Variants in SCML2 observed in about 807,000 individuals in gnomAD.
SCML2 encodes the protein Scm polycomb group protein like 2.
SCML2 carries 6 observed loss-of-function variants against 48.4 expected under a neutral mutation model. The observed-to-expected ratio is 0.12, with a 90% CI of 0.07 to 0.24. The LOEUF (loss-of-function observed/expected upper bound fraction) is 0.24, where lower values mean the gene tolerates loss of function less well. Ranked by LOEUF, SCML2 falls within the 10% of genes least tolerant of loss-of-function variation. The probability of loss-of-function intolerance (pLI) is 1.00; values close to 1 mark genes in which losing one functional copy is unlikely to be tolerated. For missense variants in SCML2, 377 were observed against 528.2 expected, an observed-to-expected ratio of 0.71 and a Z score of 2.81; for synonymous variants, 181 against 189.5, an observed-to-expected ratio of 0.95 and a Z score of 0.37.
At chrX:18,257,983 AAGGGAAGGGGG>A (rs1394962500) in intron 10 of SCML2, 50 bp downstream of exon 10, 9 of 602,032 alleles carry the variant, frequency 1.5e-5, no homozygotes, top group Non-Finnish European at 2.3e-5. Context: ...GGGAAGGGGG[AAGGGAAGGGGG>A]AAGGGAAGGG....
chrX:18,293,068 T>C (rs188313574), intron 7 of SCML2, among the ~76,000 whole-genome samples: 1 of 111,783 alleles, frequency 8.9e-6, no homozygotes, highest in Non-Finnish European at 1.9e-5. Flanking sequence ...CTTGCGATAG[T>C]TGTATCCAAA....
intron 7 of SCML2, among the ~76,000 whole-genome samples, chrX:18,278,247 T>A (rs1038293500): frequency 9.0e-6 from 1 of 110,866 alleles, no homozygotes; most frequent in Admixed American, 9.5e-5. Flanking sequence ...ACACCAAGAG[T>A]GAATGGATAG....
intron 6 of SCML2, among the ~76,000 whole-genome samples, chrX:18,315,694 A>G (rs1270840109): frequency 8.9e-6 from 1 of 111,775 alleles, no homozygotes; most frequent in Non-Finnish European, 1.9e-5. Flanking sequence ...ACATCTATCC[A>G]GTAACCGTTC....
chrX:18,349,974 C>T (rs1930322001), intron 1 of SCML2, among the ~76,000 whole-genome samples: 1 of 111,535 alleles, frequency 9.0e-6, no homozygotes, highest in South Asian at 3.7e-4. Flanking sequence ...TTTTAAGAAC[C>T]ACCATTGGCA....
chrX:18,246,489 C>T (rs1926450999), intron 13 of SCML2, 88 bp downstream of exon 13: 9 of 1,033,049 alleles, frequency 8.7e-6, no homozygotes, highest in Non-Finnish European at 1.2e-5. Context: ...GCACTTTCTC[C>T]AATGTGATAC....
chrX:18,289,748 T>TA (rs1928169914), intron 7 of SCML2, among the ~76,000 whole-genome samples: 1 of 111,910 alleles, frequency 8.9e-6, no homozygotes, highest in Non-Finnish European at 1.9e-5. Flanking sequence ...TATAAAATCT[T>TA]AATTTTAAAA....
chrX:18,317,414 A>G (rs1000832080), intron 6 of SCML2, among the ~76,000 whole-genome samples: 1 of 112,360 alleles, frequency 8.9e-6, no homozygotes, highest in Admixed American at 9.4e-5. Flanking sequence ...AATACAAGCT[A>G]AAATATATAT....
intron 13 of SCML2, among the ~76,000 whole-genome samples, chrX:18,243,637 A>G (rs1175662337): frequency 1.8e-5 from 2 of 111,983 alleles, no homozygotes; most frequent in Non-Finnish European, 3.8e-5. Flanking sequence ...ATCATGTTTA[A>G]TTGCATAGTA....
At chrX:18,343,923 T>TAAAAAAA (rs1203495780) in intron 1 of SCML2, among the ~76,000 whole-genome samples, 1 of 53,341 alleles carries the variant, frequency 1.9e-5, no homozygotes, top group Non-Finnish European at 3.4e-5. Context: ...TGCCTCTATT[T>TAAAAAAA]AAAAAAAAAA....
At chrX:18,328,004 C>A (rs925236525) in intron 3 of SCML2, among the ~76,000 whole-genome samples, 1 of 111,656 alleles carries the variant, frequency 9.0e-6, no homozygotes, top group Non-Finnish European at 1.9e-5. Flanking sequence ...GGGATGGGGG[C>A]AGTATTCTAT....
At chrX:18,276,025 G>A (rs969370446) in intron 7 of SCML2, among the ~76,000 whole-genome samples, 1 of 112,316 alleles carries the variant, frequency 8.9e-6, no homozygotes. Context: ...GCAGCCGGGC[G>A]CAGTGGCTCA....
upstream of SCML2, chrX:18,354,723 C>T (rs777642551): frequency 4.8e-4 from 117 of 244,529 alleles, no homozygotes; most frequent in East Asian, 6.5e-3. Flanking sequence ...ACCGCCACTG[C>T]CGCCCCGCCC....
chrX:18,279,069 AG>A (rs1289826158), intron 7 of SCML2, among the ~76,000 whole-genome samples: 2 of 112,449 alleles, frequency 1.8e-5, no homozygotes, highest in African/African-American at 6.5e-5. Flanking sequence ...CAAGCACAAC[AG>A]TCATCAGAGG....
chrX:18,268,278 C>A (rs1274850659), intron 7 of SCML2, among the ~76,000 whole-genome samples: 1 of 112,174 alleles, frequency 8.9e-6, no homozygotes, highest in Non-Finnish European at 1.9e-5. Context: ...ACATGTAATC[C>A]CAGCACTTTG....
At chrX:18,257,723 AC>A (rs1366441284) in intron 10 of SCML2, among the ~76,000 whole-genome samples, 1 of 108,251 alleles carries the variant, frequency 9.2e-6, no homozygotes, top group Middle Eastern at 4.3e-3. Flanking sequence ...CCCTGTCTCT[AC>A]TAAAAATACA....
In SCML2 at chrX:18,257,091, TA is replaced by T. The variant is rs201603110; in HGVS notation, c.1274-62del. 4.4e-3 allele frequency: 3,134 copies of T among 714,717 alleles called. 23 individuals carry two copies. The highest frequency in any genetic ancestry group is 0.043 in the Middle Eastern group (123 of 2,852). 58.9% of individuals were successfully genotyped at this position (714,717 alleles called of 1,213,427 possible). ...GAGAGATGAGAAATACAACACTAATTAAAAAAAAAACTATCACCTTAGGAAA... is the reference window on the plus strand; with the variant it reads ...GAGAGATGAGAAATACAACACTAATTAAAAAAAAACTATCACCTTAGGAAA... On this transcript the variant is annotated intron_variant, in intron 10 of 14. Coordinates refer to ENST00000251900, the MANE Select transcript of SCML2 (RefSeq NM_006089.3).
intron 1 of SCML2, among the ~76,000 whole-genome samples, chrX:18,353,145 A>C (rs1197362199): frequency 9.0e-6 from 1 of 110,804 alleles, no homozygotes; most frequent in Non-Finnish European, 1.9e-5. Flanking sequence ...AAAAAAAAAA[A>C]AAAAACACAC....
Position 18,332,609 on chromosome X carries a change from T to C in SCML2, c.22+1441A>G, listed in dbSNP as rs1929691785. Among the ~76,000 whole-genome samples the C allele has an allele frequency of 4.5e-5, 5 of 112,139 alleles. No homozygotes were observed. In the South Asian group the frequency reaches 1.9e-3, roughly 42 times the overall value. On this transcript the variant is annotated intron_variant, in intron 2 of 14. Transcript: ENST00000251900. Reference sequence around the variant, plus strand: ...AAAGAATGATAGAATACCTTCATTTTACAACTACTAATAAATGAATGGATC... The same window carrying C: ...AAAGAATGATAGAATACCTTCATTTCACAACTACTAATAAATGAATGGATC...
At chrX:18,310,972 C>T (rs1281589835) in intron 6 of SCML2, among the ~76,000 whole-genome samples, 2 of 111,548 alleles carry the variant, frequency 1.8e-5, no homozygotes, top group Non-Finnish European at 3.8e-5. Flanking sequence ...TCTAAAATGT[C>T]GACCTCTCTT....
Sources: allele counts gnomAD v4.1 joint callset (sites outside exome capture counted in the v4.1 genomes callset), GRCh38; gene constraint gnomAD v4.1.1; transcripts MANE v1.5; gene names NCBI Gene and HGNC (gene_info 2026-07-23, HGNC 2026-07-21).